The following CCDC73 variants were observed in gnomAD, a reference collection of about 807,000 sequenced individuals.
CCDC73 encodes the protein coiled-coil domain containing 73.
Under a neutral mutation model 116.5 loss-of-function variants are expected in CCDC73, and 95 were observed. The observed-to-expected ratio is 0.82, with a 90% confidence interval of 0.69 to 0.97. The LOEUF is 0.97. Ranked by LOEUF, CCDC73 falls within the 50% of genes least tolerant of loss-of-function variation. The pLI, the probability that CCDC73 is intolerant of heterozygous loss-of-function variation, is 0.00. For synonymous variants in CCDC73, 398 were observed against 401.3 expected (o/e 0.99, Z 0.10); for missense variants, 1,066 against 1,206.8 (o/e 0.88, Z 1.73).
chr11:32,799,917 T>C, the CCDC73 span, among the ~76,000 whole-genome samples: 2 of 152,248 alleles, frequency 1.3e-5, no homozygotes, highest in Non-Finnish European at 2.9e-5. Context: ...TTTCTTTCCA[T>C]GCTTGTGGGC....
At chr11:32,752,547 C>T (rs1470520060) in intron 2 of CCDC73, among the ~76,000 whole-genome samples, 4 of 152,150 alleles carry the variant, frequency 2.6e-5, no homozygotes, top group Non-Finnish European at 5.9e-5. Context: ...GTACTCATTC[C>T]TGAAAACTCC....
intron 7 of CCDC73, among the ~76,000 whole-genome samples, chr11:32,678,897 A>ATAT (rs1335441618): frequency 6.9e-6 from 1 of 145,242 alleles, no homozygotes; most frequent in Non-Finnish European, 1.5e-5. Flanking sequence ...AAAAAAAAAA[A>ATAT]ATATATATAT....
Position 32,670,572 on chromosome 11 carries a change from T to G in CCDC73, c.645+4993A>C, listed in dbSNP as rs371650399. Among the ~76,000 whole-genome samples, 36 of 152,212 alleles carry G rather than the reference T, an allele frequency of 2.4e-4. No homozygotes were observed. The South Asian group carries it at 7.3e-3, about 31-fold the overall frequency. On this transcript the variant is annotated intron_variant, in intron 9 of 17. Coordinates refer to ENST00000335185, the MANE Select transcript of CCDC73 (RefSeq NM_001008391.4). ...AGCTTGTTTTACACTAGTGATCTGT[T>G]CTAGGTTCACTCCTAAAACGCAATG...
chr11:32,702,339 A>G (rs1267471257), intron 4 of CCDC73, among the ~76,000 whole-genome samples: 1 of 152,202 alleles, frequency 6.6e-6, no homozygotes. Flanking sequence ...AATGAGCTGA[A>G]GGTATGTACA....
At chr11:32,736,992 GTA>G (rs145254710) in intron 2 of CCDC73, among the ~76,000 whole-genome samples, 11 of 147,796 alleles carry the variant, frequency 7.4e-5, no homozygotes, top group Non-Finnish European at 8.9e-5. Context: ...ATGTATATAT[GTA>G]TATATATATA....
chr11:32,793,045 A>G (rs892188242), intron 1 of CCDC73, among the ~76,000 whole-genome samples: 2 of 152,232 alleles, frequency 1.3e-5, no homozygotes, highest in Non-Finnish European at 2.9e-5. Context: ...AAAGAAACTA[A>G]AAACCCTATG....
chr11:32,710,978 A>T (rs1196676836), intron 3 of CCDC73, among the ~76,000 whole-genome samples: 1 of 152,226 alleles, frequency 6.6e-6, no homozygotes, highest in Non-Finnish European at 1.5e-5. Context: ...TACATCTGAC[A>T]AAGAACAATA....
rs542661754 is a variant in CCDC73, at chr11:32,693,710, T to G, written c.390+5541A>C. Among the ~76,000 whole-genome samples the G allele has an allele frequency of 3.3e-5, 5 of 152,240 alleles. No individual in the cohort carries two copies. In the South Asian group the frequency reaches 1.0e-3, roughly 32 times the overall value. On this transcript the variant is annotated intron_variant, in intron 6 of 17. Coordinates refer to ENST00000335185, the MANE Select transcript of CCDC73 (RefSeq NM_001008391.4). ...AATCCAGCAGCACATCAAAAAGCTA[T>G]CCACCACGAACAAGTCGGCTTCATC... is the stretch of plus-strand genomic sequence containing the variant.
Position 32,610,187 on chromosome 11 carries a change from A to ACTGTCATG in CCDC73, c.3030+937_3030+944dup, listed in dbSNP as rs1477307281. Among the ~76,000 whole-genome samples, 5 of 152,020 alleles carry ACTGTCATG rather than the reference A, an allele frequency of 3.3e-5. No homozygotes were observed. The South Asian group carries it at 6.2e-4, about 19-fold the overall frequency. On this transcript the variant is annotated intron_variant, in intron 17 of 17. Transcript: ENST00000335185. ...CCATCAGATCTTGTGGGATTTATTC[A>ACTGTCATG]CTGTCATGAGAATAGCACAGGAAAG...
chr11:32,664,007 A>T (rs998272737), intron 9 of CCDC73, among the ~76,000 whole-genome samples: 2 of 151,904 alleles, frequency 1.3e-5, no homozygotes, highest in African/African-American at 2.4e-5. Context: ...TGTTGAACCA[A>T]CCTTGCATCC....
the CCDC73 span, among the ~76,000 whole-genome samples, chr11:32,819,861 T>C: frequency 3.9e-5 from 6 of 152,184 alleles, no homozygotes; most frequent in Non-Finnish European, 4.4e-5. Flanking sequence ...GACATATACA[T>C]TTATAATGCT....
the CCDC73 span, among the ~76,000 whole-genome samples, chr11:32,815,905 A>C: frequency 2.0e-5 from 3 of 152,196 alleles, no homozygotes; most frequent in East Asian, 1.9e-4. Flanking sequence ...TCCTTTCTGC[A>C]TGGAAACTTC....
At chr11:32,634,567 T>A (rs1855661461) in intron 14 of CCDC73, among the ~76,000 whole-genome samples, 1 of 152,006 alleles carries the variant, frequency 6.6e-6, no homozygotes, top group Non-Finnish European at 1.5e-5. Flanking sequence ...TAAGAAATGG[T>A]GAAAGACTAG....
chr11:32,670,338 C>T (rs1379050980), intron 9 of CCDC73, among the ~76,000 whole-genome samples: 1 of 151,968 alleles, frequency 6.6e-6, no homozygotes, highest in Non-Finnish European at 1.5e-5. Flanking sequence ...CTGGTTAACA[C>T]GGTGAAACCC....
Position 32,614,495 on chromosome 11 carries a change from G to A in CCDC73, c.1823C>T (p.Pro608Leu). The change falls in exon 16 of 18, where the codon CCA (proline) becomes CTA (leucine). Residue 608 changes from proline (P) to leucine (L), a missense_variant. Physicochemically the swap from Pro to Leu is moderately conservative, Grantham distance 98. Coordinates refer to ENST00000335185, the MANE Select transcript of CCDC73 (RefSeq NM_001008391.4). ...NEPFKQFRLL[P>L]GTREHALEKE... is the part of the protein sequence containing the mutation. ...CTCTAGAGCATGTTCTCGAGTCCCTGGAAGCAATCTGAATTGTTTGAATGG... is the reference window on the plus strand; with the variant it reads ...CTCTAGAGCATGTTCTCGAGTCCCTAGAAGCAATCTGAATTGTTTGAATGG... 2 of 1,613,120 alleles carry A rather than the reference G, an allele frequency of 1.2e-6. No homozygotes were observed. Among genetic ancestry groups the A allele is most frequent in the Non-Finnish European group, 1.7e-6 (2 of 1,179,466 alleles).
Position 32,676,013 on chromosome 11 carries a change from CTTTTGTTCCT to C in CCDC73, c.430-2_437del. Reference sequence around the variant, plus strand: ...CTTTAGCCAGAAGATGTAACTGGACCTTTTGTTCCTATTTTGAAGAGTAATTTTAAATGTT... The same window carrying C: ...CTTTAGCCAGAAGATGTAACTGGACCATTTTGAAGAGTAATTTTAAATGTT... On this transcript the variant is annotated splice_acceptor_variant and coding_sequence_variant, in exon 8 of 18. Transcript: ENST00000335185. LOFTEE classifies it high-confidence loss of function. 1 of 1,589,378 alleles carries C rather than the reference CTTTTGTTCCT, an allele frequency of 6.3e-7. No homozygotes were observed. The highest frequency in any genetic ancestry group is 8.5e-7 in the Non-Finnish European group (1 of 1,172,354).
intron 3 of CCDC73, among the ~76,000 whole-genome samples, chr11:32,703,446 G>T: frequency 6.7e-6 from 1 of 150,274 alleles, no homozygotes; most frequent in Admixed American, 6.6e-5. Flanking sequence ...GCTTCCTGTT[G>T]CTTTTTTCAT....
chr11:32,675,677 T>C, intron 8 of CCDC73, 33 bp from the exon 9 acceptor site: 1 of 1,469,378 alleles, frequency 6.8e-7, no homozygotes, highest in Non-Finnish European at 9.3e-7. Flanking sequence ...GAAAGCATTA[T>C]ATTCAATGTA....
chr11:32,653,073 T>C (rs768307502), intron 12 of CCDC73, 50 bp downstream of exon 12: 46 of 1,104,488 alleles, frequency 4.2e-5, no homozygotes, highest in Non-Finnish European at 4.3e-5. Context: ...TTAGTGAAAA[T>C]ATACTAAAAC....
Sources: allele counts gnomAD v4.1 joint callset (sites outside exome capture counted in the v4.1 genomes callset), GRCh38; gene constraint gnomAD v4.1.1; transcripts MANE v1.5; gene names NCBI Gene and HGNC (gene_info 2026-07-23, HGNC 2026-07-21).